The following RGS7 variants were observed in gnomAD, a reference collection of about 807,000 sequenced individuals.
RGS7 encodes the protein regulator of G-protein signaling 7.
Under a neutral mutation model 81.1 loss-of-function variants are expected in RGS7, and 27 were observed. The ratio of observed to expected loss-of-function variants is 0.33; its 90% CI spans 0.25 to 0.46. The LOEUF (loss-of-function observed/expected upper bound fraction) is 0.46, where lower values mean the gene tolerates loss of function less well. RGS7 is among the 20% of genes least tolerant of loss of function. The probability of loss-of-function intolerance (pLI) is 1.00; values close to 1 mark genes in which losing one functional copy is unlikely to be tolerated. For synonymous variants in RGS7, 208 were observed against 207.7 expected, an observed-to-expected ratio of 1.00 and a Z score of -0.01; for missense variants, 396 against 607.4, an observed-to-expected ratio of 0.65 and a Z score of 3.66.
In RGS7 at chr1:241,118,083, A is replaced by G. The variant is rs188549422; in HGVS notation, c.79-19321T>C. 2.0e-5 allele frequency among the ~76,000 whole-genome samples: 3 copies of G among 152,330 alleles called. No individual in the cohort carries two copies. In the East Asian group the frequency reaches 5.8e-4, roughly 30 times the overall value. On this transcript the variant is annotated intron_variant, in intron 2 of 18. Coordinates refer to ENST00000440928, the MANE Select transcript of RGS7 (RefSeq NM_001364886.1). The stretch of plus-strand genomic sequence containing the variant: ...ATAGCTATTCTTTCTATGGTAGTGA[A>G]GCCTACTATTTTTATTCTATTCCAC...
chr1:241,336,988 G>A (rs1253121198), intron 2 of RGS7, among the ~76,000 whole-genome samples: 1 of 152,080 alleles, frequency 6.6e-6, no homozygotes, highest in Non-Finnish European at 1.5e-5. Flanking sequence ...GAAGTAGCTT[G>A]GTATAGTTTA....
chr1:240,853,649 A>T (rs549179014), intron 9 of RGS7, among the ~76,000 whole-genome samples: 8 of 152,124 alleles, frequency 5.3e-5, no homozygotes, highest in Admixed American at 2.0e-4. Context: ...CTCACGCCTG[A>T]AACCCCAGCA....
chr1:241,164,622 G>A lies in RGS7; in HGVS notation c.79-65860C>T, dbSNP rs1007438781. 2.6e-5 allele frequency among the ~76,000 whole-genome samples: 4 copies of A among 152,164 alleles called. No individual in the cohort carries two copies. Among genetic ancestry groups the A allele is most frequent in the African/African-American group, 9.7e-5 (4 of 41,436 alleles). ...CTAGATAGGCCAGGTCTGGCAGACT[G>A]TTGCTAGCTTTACCTCATCTTTCAA... On this transcript the variant is annotated intron_variant, in intron 2 of 18. Coordinates refer to ENST00000440928, the MANE Select transcript of RGS7 (RefSeq NM_001364886.1). This position sits in a 1 kb window ranked among gnomAD's most constrained non-coding sequence, Gnocchi z 4.1.
intron 14 of RGS7, among the ~76,000 whole-genome samples, chr1:240,806,866 A>G (rs1243133314): frequency 6.6e-6 from 1 of 152,208 alleles, no homozygotes; most frequent in East Asian, 1.9e-4. Context: ...AGGGAATTAC[A>G]AAGAAGCTTT....
chr1:240,881,336 C>T (rs1488068002), intron 6 of RGS7, among the ~76,000 whole-genome samples: 3 of 54,586 alleles, frequency 5.5e-5, no homozygotes, highest in Admixed American at 2.6e-4. Context: ...ACATCACACA[C>T]GGGGGGCCTG....
intron 18 of RGS7, among the ~76,000 whole-genome samples, chr1:240,782,529 C>A (rs1174153166): frequency 1.3e-5 from 2 of 152,146 alleles, no homozygotes; most frequent in African/African-American, 4.8e-5. Context: ...CTCAAGCGAT[C>A]CTCCTGCCTC....
intron 14 of RGS7, among the ~76,000 whole-genome samples, chr1:240,810,407 T>C (rs1171692407): frequency 1.3e-5 from 2 of 151,784 alleles, no homozygotes; most frequent in Non-Finnish European, 2.9e-5. Context: ...CTAAAATGCC[T>C]CAAGGATCCT....
intron 1 of RGS7, 111 bp from the exon 2 acceptor site, chr1:241,355,937 C>T: frequency 1.5e-6 from 1 of 689,574 alleles, no homozygotes; most frequent in South Asian, 1.6e-5. Context: ...CTGGGGCTGG[C>T]TGGAGAAAGT....
At chr1:240,919,660 A>C in intron 6 of RGS7, 1 of 502,508 alleles carries the variant, frequency 2.0e-6, no homozygotes, top group Non-Finnish European at 3.7e-6. Flanking sequence ...CTCATGCCTA[A>C]GTCAGAGTCT....
At chr1:240,839,434 A>G (rs1437424474) in intron 9 of RGS7, among the ~76,000 whole-genome samples, 1 of 152,170 alleles carries the variant, frequency 6.6e-6, no homozygotes, top group East Asian at 1.9e-4. Context: ...AAGATATGAG[A>G]GGTAAGAAAA....
At chr1:240,995,180 C>G (rs1400095973) in intron 3 of RGS7, among the ~76,000 whole-genome samples, 1 of 152,238 alleles carries the variant, frequency 6.6e-6, no homozygotes, top group East Asian at 1.9e-4. Context: ...GCCTGCATCT[C>G]TGAAATAAAC....
chr1:240,811,120 T>G (rs1458088621), intron 14 of RGS7, among the ~76,000 whole-genome samples: 1 of 152,174 alleles, frequency 6.6e-6, no homozygotes, highest in Non-Finnish European at 1.5e-5. Context: ...GAACTTTCAG[T>G]AAATGAATTT....
At chr1:240,902,562 T>C (rs2148205734) in intron 6 of RGS7, among the ~76,000 whole-genome samples, 1 of 152,292 alleles carries the variant, frequency 6.6e-6, no homozygotes, top group Middle Eastern at 3.4e-3. Context: ...CTGTCCCTTC[T>C]ATTCAACTGC....
chr1:241,055,033 T>C (rs187429321), intron 3 of RGS7, among the ~76,000 whole-genome samples: 3 of 152,188 alleles, frequency 2.0e-5, no homozygotes, highest in South Asian at 2.1e-4. Flanking sequence ...ATTAAAAAAA[T>C]AGAGTGGAAT....
chr1:240,859,935 T>C (rs1325258090), intron 9 of RGS7, among the ~76,000 whole-genome samples: 3 of 152,234 alleles, frequency 2.0e-5, no homozygotes, highest in Non-Finnish European at 2.9e-5. Flanking sequence ...GAAATATTTT[T>C]ATATTTCTCT....
intron 2 of RGS7, among the ~76,000 whole-genome samples, chr1:241,321,950 C>T (rs532648484): frequency 8.5e-4 from 129 of 152,242 alleles, no homozygotes; most frequent in Admixed American, 2.5e-3. Flanking sequence ...GCAAAATCTA[C>T]GCTCCATCCC....
intron 2 of RGS7, among the ~76,000 whole-genome samples, chr1:241,217,582 A>G (rs1328356460): frequency 6.6e-6 from 1 of 152,212 alleles, no homozygotes; most frequent in Non-Finnish European, 1.5e-5. Context: ...ACCAAGACTG[A>G]AAATCCACTG....
chr1:241,039,787 C>T (rs76984151), intron 3 of RGS7, among the ~76,000 whole-genome samples: 2,693 of 152,106 alleles, frequency 0.018, 82 homozygotes, highest in African/African-American at 0.062. Flanking sequence ...TAGCTGGTGA[C>T]GATGGCAGAG....
intron 6 of RGS7, among the ~76,000 whole-genome samples, chr1:240,927,818 G>T (rs1053433590): frequency 6.6e-6 from 1 of 152,106 alleles, no homozygotes; most frequent in African/African-American, 2.4e-5. Flanking sequence ...AATAATTAAA[G>T]AATAAATTAG....
Sources: gnomAD v4.1 joint callset for allele counts (sites outside exome capture counted in the v4.1 genomes callset) on GRCh38, gnomAD v4.1.1 for gene constraint, Gnocchi (gnomAD v3.1) non-coding constraint, MANE v1.5 for transcripts, NCBI Gene and HGNC (gene_info 2026-07-23, HGNC 2026-07-21) for gene names.